Variants in ZNF608 observed in about 807,000 individuals in gnomAD.
The protein encoded by ZNF608 is zinc finger protein 608.
A neutral mutation model predicts 109.0 loss-of-function variants in ZNF608; 12 were observed. The ratio of observed to expected loss-of-function variants is 0.11; its 90% CI spans 0.07 to 0.18. The LOEUF is 0.18. ZNF608 is among the 10% of genes least tolerant of loss of function. ZNF608 has a pLI of 1.00. For missense variants in ZNF608, 1,707 were observed against 1,879.3 expected, an observed-to-expected ratio of 0.91 and a Z score of 1.70; for synonymous variants, 732 against 717.4, an observed-to-expected ratio of 1.02 and a Z score of -0.33.
intron 2 of ZNF608, among the ~76,000 whole-genome samples, chr5:124,704,267 C>T (rs993741301): frequency 6.6e-6 from 1 of 152,192 alleles, no homozygotes; most frequent in African/African-American, 2.4e-5. Context: ...ACATCTTTGA[C>T]TTGCACAAGT....
chr5:124,713,472 T>C (rs1479500410), intron 2 of ZNF608, among the ~76,000 whole-genome samples: 1 of 152,228 alleles, frequency 6.6e-6, no homozygotes, highest in African/African-American at 2.4e-5. Flanking sequence ...ACTTATTAAG[T>C]GGAATGTTAT....
chr5:124,671,996 A>G (rs1236004789), intron 3 of ZNF608, among the ~76,000 whole-genome samples: 1 of 152,206 alleles, frequency 6.6e-6, no homozygotes, highest in Admixed American at 6.5e-5. Flanking sequence ...AGAGAAGCCC[A>G]ATTCTACAGA....
chr5:124,666,709 CTGTGTGTGTGTGTG>C (rs10546271), intron 3 of ZNF608, among the ~76,000 whole-genome samples: 1,491 of 141,042 alleles, frequency 0.011, 37 homozygotes, highest in African/African-American at 0.035. Context: ...TGGGTTTGCT[CTGTGTGTGTGTGTG>C]TGTGTGTGTG....
chr5:124,704,593 T>A (rs1753184907), intron 2 of ZNF608, among the ~76,000 whole-genome samples: 1 of 152,184 alleles, frequency 6.6e-6, no homozygotes, highest in South Asian at 2.1e-4. Flanking sequence ...CAGTTTTTTT[T>A]AGCAACACTT....
At chr5:124,661,595 G>C (rs926458549) in intron 3 of ZNF608, among the ~76,000 whole-genome samples, 2 of 152,130 alleles carry the variant, frequency 1.3e-5, no homozygotes, top group Non-Finnish European at 2.9e-5. Flanking sequence ...CTCTCCTCCA[G>C]CACAGGGAAG....
intron 2 of ZNF608, among the ~76,000 whole-genome samples, chr5:124,734,292 A>G (rs910886844): frequency 6.6e-6 from 1 of 152,218 alleles, no homozygotes; most frequent in Non-Finnish European, 1.5e-5. Flanking sequence ...GTACTTGAGA[A>G]AGCAGTCTTT....
At chr5:124,672,690 T>C (rs561643786) in intron 3 of ZNF608, among the ~76,000 whole-genome samples, 1 of 152,328 alleles carries the variant, frequency 6.6e-6, no homozygotes, top group East Asian at 1.9e-4. Flanking sequence ...ATACTGAGCC[T>C]ATTAAATTTA....
In ZNF608 at chr5:124,746,251, T is replaced by C. The variant is rs112964707; in HGVS notation, c.-240A>G. On this transcript the variant is annotated 5_prime_UTR_variant, in exon 1 of 10. Transcript: ENST00000513986. ...CAGCAAATCAAAATGCCTTTCCCAC[T>C]CCACTCGGCAAACAAGCCTGTGCCT... The C allele has an allele frequency of 1.0e-6, 1 of 985,390 alleles. No homozygotes were observed. Among genetic ancestry groups the C allele is most frequent in the Non-Finnish European group, 1.2e-6 (1 of 829,934 alleles). 61.0% of individuals were successfully genotyped at this position (985,390 alleles called of 1,614,324 possible).
intron 3 of ZNF608, among the ~76,000 whole-genome samples, chr5:124,671,612 C>T (rs901790769): frequency 1.7e-4 from 25 of 150,926 alleles, no homozygotes; most frequent in African/African-American, 5.9e-4. Flanking sequence ...GGCTAAGAAA[C>T]AGGCACATCA....
chr5:124,684,162 A>G (rs957561498), intron 3 of ZNF608, among the ~76,000 whole-genome samples: 3 of 152,174 alleles, frequency 2.0e-5, no homozygotes, highest in African/African-American at 7.2e-5. Flanking sequence ...TTTGCTAATA[A>G]TTTTGTTTAG....
At chr5:124,700,298 G>A (rs935538332) in intron 3 of ZNF608, among the ~76,000 whole-genome samples, 15 of 152,180 alleles carry the variant, frequency 9.9e-5, no homozygotes, top group African/African-American at 3.6e-4. Context: ...TATGAGACAT[G>A]GTCAACCATG....
Position 124,745,150 on chromosome 5 carries a change from C to T in ZNF608, c.-161G>A. On this transcript the variant is annotated 5_prime_UTR_variant, in exon 2 of 10. Coordinates refer to ENST00000513986, the MANE Select transcript of ZNF608 (RefSeq NM_020747.3). ...ACGAATGTGTCCAGGGATTTTACAC[C>T]CTCAGTCCAGGTCCACCTTTTCCTG... is the stretch of plus-strand genomic sequence containing the variant. 7.0e-7 allele frequency: 1 copy of T among 1,432,040 alleles called. No homozygotes were observed. The highest frequency in any genetic ancestry group is 1.6e-5 in the South Asian group (1 of 63,646). The allele number at this position is 1,432,040 out of a possible 1,614,324, so 88.7% of individuals were successfully genotyped here.
intron 3 of ZNF608, among the ~76,000 whole-genome samples, chr5:124,696,725 G>A (rs555278848): frequency 1.3e-5 from 2 of 152,266 alleles, no homozygotes; most frequent in Admixed American, 1.3e-4. Flanking sequence ...ATAGCATCTT[G>A]ATAGACACTA....
intron 3 of ZNF608, among the ~76,000 whole-genome samples, chr5:124,693,752 T>C (rs766202183): frequency 1.3e-5 from 2 of 152,102 alleles, no homozygotes; most frequent in Non-Finnish European, 2.9e-5. Context: ...TCACTCATCA[T>C]ATCCAAATTT....
At chr5:124,657,368 C>G (rs1393202630) in intron 3 of ZNF608, among the ~76,000 whole-genome samples, 3 of 152,068 alleles carry the variant, frequency 2.0e-5, no homozygotes, top group African/African-American at 7.2e-5. Context: ...TAAATCAAAA[C>G]AGATCATTAG....
At chr5:124,658,409 G>A (rs1751106573) in intron 3 of ZNF608, among the ~76,000 whole-genome samples, 1 of 152,214 alleles carries the variant, frequency 6.6e-6, no homozygotes, top group African/African-American at 2.4e-5. Flanking sequence ...TGTATAGAGT[G>A]TGTGTCTGTA....
rs562604554 is a variant in ZNF608 at position 124,640,652 on chromosome 5, G to T, written c.4450+600C>A. Among the ~76,000 whole-genome samples, 3 of 152,292 alleles carry T rather than the reference G, an allele frequency of 2.0e-5. No individual in the cohort carries two copies. In the South Asian group the frequency reaches 6.2e-4, roughly 32 times the overall value. ...CACCTACTATGAGATGACAAAGATG[G>T]GACAAATAATACATGCTCAACTAAT... is the stretch of plus-strand genomic sequence containing the variant. On this transcript the variant is annotated intron_variant, in intron 8 of 9. Transcript: ENST00000513986.
chr5:124,704,585 GT>G (rs1554089754), intron 2 of ZNF608, among the ~76,000 whole-genome samples: 1 of 152,048 alleles, frequency 6.6e-6, no homozygotes, highest in Non-Finnish European at 1.5e-5. Flanking sequence ...AAACATTCCA[GT>G]TTTTTTTAGC....
Position 124,745,318 on chromosome 5 carries a change from G to A in ZNF608, c.-183-146C>T, listed in dbSNP as rs1203424149. 5.1e-6 allele frequency: 3 copies of A among 584,826 alleles called. No individual in the cohort carries two copies. In the African/African-American group the frequency reaches 5.9e-5, roughly 11 times the overall value. The allele number at this position is 584,826 out of a possible 1,614,324, so 36.2% of individuals were successfully genotyped here. On this transcript the variant is annotated intron_variant, in intron 1 of 9. Transcript: ENST00000513986. ...TATTGTCCTCACAGTCCAATATCAG[G>A]TTTAAAGGAAAATAACCAAACCCGA...
Sources: gnomAD v4.1 joint callset for allele counts (sites outside exome capture counted in the v4.1 genomes callset) on GRCh38, gnomAD v4.1.1 for gene constraint, MANE v1.5 for transcripts, NCBI Gene and HGNC (gene_info 2026-07-23, HGNC 2026-07-21) for gene names.